Variants in NAPB observed in about 807,000 individuals in gnomAD.
NAPB encodes beta-soluble NSF attachment protein.
NAPB carries 26 observed loss-of-function variants against 44.7 expected under a neutral mutation model. The ratio of observed to expected loss-of-function variants is 0.58; its 90% CI spans 0.43 to 0.81. The LOEUF is 0.81. NAPB is among the 30% of genes least tolerant of loss of function. The pLI, the probability that NAPB is intolerant of heterozygous loss-of-function variation, is 0.00. For synonymous variants in NAPB, 120 were observed against 116.8 expected, an observed-to-expected ratio of 1.03 and a Z score of -0.18; for missense variants, 315 against 356.4, an observed-to-expected ratio of 0.88 and a Z score of 0.94.
chr20:23,421,281 G>T, intron 1 of NAPB, 24 bp downstream of exon 1: 1 of 1,526,008 alleles, frequency 6.6e-7, no homozygotes, highest in Admixed American at 2.0e-5. Context: ...CCCCCCCCCA[G>T]GGCACGCACG....
intron 1 of NAPB, among the ~76,000 whole-genome samples, chr20:23,418,487 A>G (rs757512165): frequency 3.3e-5 from 5 of 152,208 alleles, no homozygotes; most frequent in African/African-American, 4.8e-5. Context: ...GGCTTCAGTA[A>G]TTATACAATA....
At chr20:23,382,201 G>T (rs1425019861) in intron 7 of NAPB, among the ~76,000 whole-genome samples, 4 of 152,142 alleles carry the variant, frequency 2.6e-5, no homozygotes, top group African/African-American at 9.7e-5. Flanking sequence ...TGCCACTTCT[G>T]CCCAGGGCTG....
intron 9 of NAPB, 174 bp from the exon 10 acceptor site, chr20:23,379,669 G>A: frequency 3.0e-6 from 2 of 662,212 alleles, no homozygotes; most frequent in South Asian, 2.0e-5. Context: ...CATTTCTCAG[G>A]TGCCTATTTC....
intron 5 of NAPB, among the ~76,000 whole-genome samples, chr20:23,392,455 C>T (rs1415307281): frequency 1.3e-5 from 2 of 151,982 alleles, no homozygotes; most frequent in Non-Finnish European, 2.9e-5. Context: ...TGCTTGAGTC[C>T]AGGAGTTTGA....
rs575753578 is a variant in NAPB at position 23,388,301 on chromosome 20, T to C, written c.561+1645A>G. On this transcript the variant is annotated intron_variant, in intron 7 of 10. Transcript: ENST00000377026. The stretch of plus-strand genomic sequence containing the variant: ...CACACATACACCCCTACACCTCTTA[T>C]TGGTTCTGTTTCTCTAGAAAACCCT... 1.1e-4 allele frequency among the ~76,000 whole-genome samples: 16 copies of C among 152,176 alleles called. No individual in the cohort carries two copies. The South Asian group carries it at 2.9e-3, about 28-fold the overall frequency.
intron 1 of NAPB, among the ~76,000 whole-genome samples, chr20:23,415,431 T>C (rs1464068855): frequency 6.6e-6 from 1 of 151,954 alleles, no homozygotes; most frequent in East Asian, 1.9e-4. Flanking sequence ...CTGTCTCTAC[T>C]AAAAATACAA....
At position 23,416,777 on chromosome 20, in the gene NAPB, T is replaced by G. The variant is rs74665476; in HGVS notation, c.98+4528A>C. Among the ~76,000 whole-genome samples the G allele has an allele frequency of 1.2e-3, 184 of 152,302 alleles. 1 individual carries two copies. The highest frequency in any genetic ancestry group is 4.3e-3 in the African/African-American group (179 of 41,584). ...GAATTGTAACTGAGGAAAACCTAAATGCTTCACCTATGTTATCACATGGCC... is the reference window on the plus strand; with the variant it reads ...GAATTGTAACTGAGGAAAACCTAAAGGCTTCACCTATGTTATCACATGGCC... On this transcript the variant is annotated intron_variant, in intron 1 of 10. Transcript: ENST00000377026.
intron 1 of NAPB, among the ~76,000 whole-genome samples, chr20:23,420,211 G>A (rs6137941): frequency 0.076 from 11,522 of 152,202 alleles, 665 homozygotes; most frequent in East Asian, 0.29. Context: ...TGCTTTTTGA[G>A]AGGTTGGAAT....
At chr20:23,417,415 G>A (rs1986085775) in intron 1 of NAPB, among the ~76,000 whole-genome samples, 1 of 152,236 alleles carries the variant, frequency 6.6e-6, no homozygotes, top group African/African-American at 2.4e-5. Flanking sequence ...TTTCTTCTAT[G>A]TGCATTGTGC....
intron 2 of NAPB, 91 bp downstream of exon 2, chr20:23,402,902 G>T: frequency 1.0e-6 from 1 of 967,960 alleles, no homozygotes; most frequent in Non-Finnish European, 1.6e-6. Flanking sequence ...GGGGCCAATA[G>T]TCTTGCTCTT....
At chr20:23,405,830 G>A (rs1051364909) in intron 1 of NAPB, among the ~76,000 whole-genome samples, 1 of 152,214 alleles carries the variant, frequency 6.6e-6, no homozygotes, top group African/African-American at 2.4e-5. Flanking sequence ...TGCGCAATAT[G>A]AGCAGTCACA....
At chr20:23,408,847 T>C (rs1985442043) in intron 1 of NAPB, among the ~76,000 whole-genome samples, 1 of 152,196 alleles carries the variant, frequency 6.6e-6, no homozygotes, top group South Asian at 2.1e-4. Flanking sequence ...AACACAGACG[T>C]ATATCAAAAA....
rs139603045 is a variant in NAPB, at chr20:23,382,741, C to T, written c.562-1424G>A. Reference sequence around the variant, plus strand: ...GAGGAAAGAAGCACTAAATGGAAGACAACAACAGGAACAACAGAGAGAAGA... The same window carrying T: ...GAGGAAAGAAGCACTAAATGGAAGATAACAACAGGAACAACAGAGAGAAGA... On this transcript the variant is annotated intron_variant, in intron 7 of 10. Transcript: ENST00000377026. Among the ~76,000 whole-genome samples, 211 of 151,182 alleles carry T rather than the reference C, an allele frequency of 1.4e-3. 2 individuals carry two copies. The highest frequency in any genetic ancestry group is 4.8e-3 in the African/African-American group (198 of 41,246).
chr20:23,405,838 A>C (rs2123231977), intron 1 of NAPB, among the ~76,000 whole-genome samples: 1 of 152,378 alleles, frequency 6.6e-6, no homozygotes, highest in East Asian at 1.9e-4. Flanking sequence ...ATGAGCAGTC[A>C]CAGTGAGATT....
At chr20:23,386,129 T>TA (rs1365184352) in intron 7 of NAPB, among the ~76,000 whole-genome samples, 1 of 151,852 alleles carries the variant, frequency 6.6e-6, no homozygotes, top group East Asian at 1.9e-4. Context: ...TGAATAAAAA[T>TA]AAAAGTATAA....
chr20:23,400,401 A>G (rs1984745588), intron 2 of NAPB, among the ~76,000 whole-genome samples: 4 of 152,162 alleles, frequency 2.6e-5, no homozygotes. Context: ...CTGTAATCCC[A>G]GCTACTCCGG....
intron 1 of NAPB, among the ~76,000 whole-genome samples, chr20:23,405,268 G>A (rs1463353977): frequency 6.9e-6 from 1 of 144,598 alleles, no homozygotes; most frequent in Non-Finnish European, 1.5e-5. Context: ...GTGACAGAGC[G>A]AGACTTTGTC....
At position 23,396,953 on chromosome 20, in the gene NAPB, TA is replaced by T. The variant is rs1984412501; in HGVS notation, c.295+118del. 3.7e-6 allele frequency: 4 copies of T among 1,088,188 alleles called. No individual in the cohort carries two copies. In the East Asian group the frequency reaches 1.1e-4, roughly 30 times the overall value. 67.4% of individuals were successfully genotyped at this position (1,088,188 alleles called of 1,614,324 possible). A position where few individuals can be genotyped will look rare whatever the true frequency, so the allele number is the denominator to read the frequency against. On this transcript the variant is annotated intron_variant, in intron 3 of 10. Coordinates refer to ENST00000377026, the MANE Select transcript of NAPB (RefSeq NM_022080.3). Reference sequence around the variant, plus strand: ...ATCAAAATTCTCTATTATTCCAAAATACAAAAATTCCTTTTTACCAGGACTT... The same window carrying T: ...ATCAAAATTCTCTATTATTCCAAAATCAAAAATTCCTTTTTACCAGGACTT...
intron 10 of NAPB, among the ~76,000 whole-genome samples, chr20:23,378,103 G>A (rs200494539): frequency 1.3e-5 from 2 of 150,890 alleles, no homozygotes; most frequent in East Asian, 3.9e-4. Context: ...TTAAGCCCAG[G>A]AGTTAAGAGA....
Sources: allele counts gnomAD v4.1 joint callset (sites outside exome capture counted in the v4.1 genomes callset), GRCh38; gene constraint gnomAD v4.1.1; transcripts MANE v1.5; gene names NCBI Gene and HGNC (gene_info 2026-07-23, HGNC 2026-07-21).